Variants in PTER observed in about 807,000 individuals in gnomAD.
The protein encoded by PTER is N-acetyltaurine hydrolase.
Under a neutral mutation model 29.6 loss-of-function variants are expected in PTER, and 38 were observed. That is an observed-to-expected ratio of 1.28 (90% CI 0.99 to 1.68). PTER has a LOEUF of 1.68. PTER is among the 40% of genes most tolerant of loss of function. The probability of loss-of-function intolerance (pLI) is 0.00; values close to 1 mark genes in which losing one functional copy is unlikely to be tolerated. For synonymous variants in PTER, 172 were observed against 154.5 expected (o/e 1.11, Z -0.84); for missense variants, 482 against 427.8 (o/e 1.13, Z -1.12).
intron 1 of PTER, among the ~76,000 whole-genome samples, chr10:16,464,155 T>G (rs1414910515): frequency 6.6e-6 from 1 of 152,176 alleles, no homozygotes. Context: ...TTGAAGGTAA[T>G]GAAACCAGCA....
intron 1 of PTER, among the ~76,000 whole-genome samples, chr10:16,482,039 GAC>G (rs1835500422): frequency 6.6e-6 from 1 of 152,168 alleles, no homozygotes; most frequent in Non-Finnish European, 1.5e-5. Flanking sequence ...TCTCTGAAGA[GAC>G]ACTGCCTGCT....
intron 3 of PTER, among the ~76,000 whole-genome samples, chr10:16,498,938 T>G (rs1836224408): frequency 6.6e-6 from 1 of 152,190 alleles, no homozygotes; most frequent in Non-Finnish European, 1.5e-5. Flanking sequence ...TGCTTGTTCC[T>G]AGATGTCACT....
chr10:16,502,988 CAA>C (rs61446204), intron 3 of PTER, among the ~76,000 whole-genome samples: 10 of 41,356 alleles, frequency 2.4e-4, no homozygotes, highest in African/African-American at 3.3e-4. Context: ...GACTCTGTCT[CAA>C]AAAAAAAAAA....
chr10:16,482,380 A>C lies in PTER; in HGVS notation c.-48-1957A>C, dbSNP rs117987805. ...CCCCTCTCATCAGCCACTTTCTCTG[A>C]AAAGAAATAATCTAGGATATACGTG... is the stretch of plus-strand genomic sequence containing the variant. On this transcript the variant is annotated intron_variant, in intron 1 of 4. Transcript: ENST00000535784. 7.9e-5 allele frequency among the ~76,000 whole-genome samples: 12 copies of C among 152,326 alleles called. No homozygotes were observed. The East Asian group carries it at 2.3e-3, about 29-fold the overall frequency.
At chr10:16,514,678 A>G (rs954969613), downstream of PTER, 6 of 1,613,658 alleles carry the variant, frequency 3.7e-6, no homozygotes, top group African/African-American at 4.0e-5. Context: ...AATTCTGATC[A>G]GCATCTTGGG....
At chr10:16,466,658 ATTCTT>A (rs1834847186) in intron 1 of PTER, among the ~76,000 whole-genome samples, 1 of 152,180 alleles carries the variant, frequency 6.6e-6, no homozygotes, top group African/African-American at 2.4e-5. Flanking sequence ...ACCTGGCCTG[ATTCTT>A]TTCAACTCTG....
chr10:16,460,383 T>A (rs754973399), intron 1 of PTER, among the ~76,000 whole-genome samples: 4 of 152,208 alleles, frequency 2.6e-5, no homozygotes, highest in Non-Finnish European at 5.9e-5. Context: ...TTAGGCTATC[T>A]GACCTTCAAA....
At chr10:16,439,520 A>T (rs1299615963) in intron 1 of PTER, among the ~76,000 whole-genome samples, 1 of 152,164 alleles carries the variant, frequency 6.6e-6, no homozygotes, top group East Asian at 1.9e-4. Context: ...TAAGTTGAGT[A>T]AGCAGCCCTG....
chr10:16,446,432 C>G (rs559250104), intron 1 of PTER, among the ~76,000 whole-genome samples: 4 of 152,134 alleles, frequency 2.6e-5, no homozygotes, highest in Non-Finnish European at 5.9e-5. Flanking sequence ...GTTGATCAGG[C>G]TGGTGCAGTG....
At chr10:16,510,973 TA>T in intron 4 of PTER, 72 bp from the exon 5 acceptor site, 2 of 1,323,916 alleles carry the variant, frequency 1.5e-6, no homozygotes, top group Non-Finnish European at 2.1e-6. Context: ...GGTTAATGAG[TA>T]AAAAGTTGAA....
chr10:16,493,947 C>G (rs1835997997), intron 3 of PTER, among the ~76,000 whole-genome samples: 1 of 152,142 alleles, frequency 6.6e-6, no homozygotes, highest in African/African-American at 2.4e-5. Context: ...TGGCCATGTG[C>G]TCTATCCAGT....
chr10:16,504,960 T>A, intron 3 of PTER, 60 bp from the exon 4 acceptor site: 1 of 1,584,670 alleles, frequency 6.3e-7, no homozygotes. Context: ...AAACTTCTAG[T>A]ATGTACATGT....
chr10:16,472,115 T>G (rs1281148641), intron 1 of PTER, among the ~76,000 whole-genome samples: 3 of 152,222 alleles, frequency 2.0e-5, no homozygotes, highest in African/African-American at 7.2e-5. Flanking sequence ...CTGCTAACTT[T>G]TAAGGACTAA....
chr10:16,457,502 T>C (rs1340871439), intron 1 of PTER, among the ~76,000 whole-genome samples: 1 of 151,640 alleles, frequency 6.6e-6, no homozygotes, highest in Non-Finnish European at 1.5e-5. Context: ...CATGAGCCAC[T>C]GTGCCCGGCC....
At position 16,484,427 on chromosome 10, in the gene PTER, G is replaced by A. The variant is rs1835601576; in HGVS notation, c.43G>A (p.Val15Ile). ...AAAAGTCCAAACCGTTTTGGGCCTT[G>A]TAGAGCCAAGCAAACTGGGCCGTAC... ...SGKVQTVLGLVEPSKLGRTLT... is the reference protein window; with the variant it reads ...SGKVQTVLGLIEPSKLGRTLT... Residue 15 changes from valine to isoleucine, a missense_variant, in exon 2 of 5, where the codon GTA becomes ATA. By Grantham distance (29) the Val-to-Ile change is conservative (BLOSUM62 3). Coordinates refer to ENST00000535784, the MANE Select transcript of PTER (RefSeq NM_001261836.2). The A allele has an allele frequency of 1.2e-6, 2 of 1,612,060 alleles. No individual in the cohort carries two copies. Among genetic ancestry groups the A allele is most frequent in the South Asian group, 1.1e-5 (1 of 90,532 alleles).
intron 1 of PTER, among the ~76,000 whole-genome samples, chr10:16,439,095 T>C (rs1185512978): frequency 6.6e-6 from 1 of 152,098 alleles, no homozygotes; most frequent in East Asian, 1.9e-4. Flanking sequence ...CTTCCAGTTT[T>C]GGGTCATATT....
intron 1 of PTER, 53 bp downstream of exon 1, chr10:16,437,100 G>A (rs967239633): frequency 1.3e-5 from 2 of 152,440 alleles, no homozygotes; most frequent in African/African-American, 4.8e-5. Context: ...CCAGTAGGAA[G>A]AGTGGGGCCC....
chr10:16,488,182 T>C (rs2133458372), intron 3 of PTER, among the ~76,000 whole-genome samples: 1 of 152,328 alleles, frequency 6.6e-6, no homozygotes, highest in African/African-American at 2.4e-5. Flanking sequence ...CTGGTTGCAC[T>C]GATAAAGTAG....
chr10:16,463,835 GCTTAAGGAACCTATAGCAGTGGAT>G (rs535651953), intron 1 of PTER, among the ~76,000 whole-genome samples: 3 of 152,318 alleles, frequency 2.0e-5, no homozygotes, highest in African/African-American at 7.2e-5. Context: ...CCCACAGGAT[GCTTAAGGAACCTATAGCAGTGGAT>G]TCTGCCTTTA....
Sources: gnomAD v4.1 joint callset for allele counts (sites outside exome capture counted in the v4.1 genomes callset) on GRCh38, gnomAD v4.1.1 for gene constraint, MANE v1.5 for transcripts, NCBI Gene and HGNC (gene_info 2026-07-23, HGNC 2026-07-21) for gene names.